Variants in TRPM3 observed in about 807,000 individuals in gnomAD.
TRPM3 encodes the protein transient receptor potential cation channel subfamily M member 3.
A neutral mutation model predicts 181.2 loss-of-function variants in TRPM3; 77 were observed. That is an observed-to-expected ratio of 0.42 (90% CI 0.35 to 0.51). TRPM3 has a LOEUF of 0.51. Among genes scored for constraint, TRPM3 ranks in the 20% least tolerant of loss-of-function variants. The pLI is 0.01. For synonymous variants in TRPM3, 745 were observed against 796.4 expected, an observed-to-expected ratio of 0.94 and a Z score of 1.09; for missense variants, 1,759 against 2,196.7, an observed-to-expected ratio of 0.80 and a Z score of 3.98.
rs533296676 is a variant in TRPM3 at position 70,685,619 on chromosome 9, GC to G, written c.1273-4042del. ...TGGGGGTCTCACTATGTTGCCCAGA[GC>G]GATCTCAAACTCTTGGACTTAAGCC... On this transcript the variant is annotated intron_variant, in intron 8 of 25. Transcript: ENST00000677713. Among the ~76,000 whole-genome samples the G allele has an allele frequency of 8.5e-5, 13 of 152,230 alleles. No individual in the cohort carries two copies. The South Asian group carries it at 2.7e-3, about 32-fold the overall frequency.
chr9:71,269,831 G>C (rs939928787), intron 1 of TRPM3, among the ~76,000 whole-genome samples: 1 of 152,070 alleles, frequency 6.6e-6, no homozygotes, highest in South Asian at 2.1e-4. Flanking sequence ...CAGAATAGGA[G>C]GTCAGAACTA....
intron 1 of TRPM3, among the ~76,000 whole-genome samples, chr9:71,018,349 A>T (rs1385284405): frequency 6.6e-6 from 1 of 151,816 alleles, no homozygotes; most frequent in Non-Finnish European, 1.5e-5. Context: ...TAATGAAATA[A>T]ACAAATAGAC....
At chr9:71,411,101 T>C (rs2093540195) in intron 1 of TRPM3, among the ~76,000 whole-genome samples, 1 of 152,044 alleles carries the variant, frequency 6.6e-6, no homozygotes. Flanking sequence ...TGGGACGTAT[T>C]TCAAAATAAT....
At chr9:71,446,824 C>T (rs1466508940) in exon 1 of TRPM3, 1 of 1,546,498 alleles carries the variant, frequency 6.5e-7, no homozygotes, top group Non-Finnish European at 8.7e-7. Context: ...CATCCCTCCA[C>T]TTCTTCCCCA....
At chr9:70,613,291 T>C (rs536444272) in intron 18 of TRPM3, among the ~76,000 whole-genome samples, 1 of 152,326 alleles carries the variant, frequency 6.6e-6, no homozygotes, top group Non-Finnish European at 1.5e-5. Flanking sequence ...CACAGCATGA[T>C]TTGAGAATCT....
At chr9:70,698,277 C>T (rs2071261407) in intron 8 of TRPM3, among the ~76,000 whole-genome samples, 1 of 151,456 alleles carries the variant, frequency 6.6e-6, no homozygotes, top group South Asian at 2.1e-4. Flanking sequence ...CTCCATGTAA[C>T]AGCAGAGTTT....
chr9:70,566,801 G>T (rs541143051), intron 22 of TRPM3, among the ~76,000 whole-genome samples: 2 of 152,170 alleles, frequency 1.3e-5, no homozygotes, highest in African/African-American at 4.8e-5. Flanking sequence ...TCCACCTACT[G>T]TAAGAAATGG....
At chr9:70,598,749 T>C in intron 20 of TRPM3, 79 bp from the exon 21 acceptor site, 1 of 1,525,310 alleles carries the variant, frequency 6.6e-7, no homozygotes, top group Non-Finnish European at 8.9e-7. Flanking sequence ...GCTTGGTCTG[T>C]TGGCTGATGT....
At chr9:70,853,697 C>A (rs2095307185) in intron 3 of TRPM3, among the ~76,000 whole-genome samples, 3 of 152,280 alleles carry the variant, frequency 2.0e-5, no homozygotes, top group South Asian at 4.1e-4. Context: ...TAGAACACAC[C>A]TAATTATCTA....
chr9:71,359,269 A>T (rs1445214924), intron 1 of TRPM3, among the ~76,000 whole-genome samples: 1 of 152,228 alleles, frequency 6.6e-6, no homozygotes, highest in Non-Finnish European at 1.5e-5. Flanking sequence ...TGAAAGGGGA[A>T]ATCTCACAAA....
chr9:71,432,565 T>C (rs2093974104), intron 1 of TRPM3, among the ~76,000 whole-genome samples: 2 of 152,190 alleles, frequency 1.3e-5, no homozygotes, highest in South Asian at 2.1e-4. Context: ...ATTTGAATCA[T>C]TATTGTTTAT....
chr9:71,263,486 G>A (rs2083195025), intron 1 of TRPM3, among the ~76,000 whole-genome samples: 1 of 152,184 alleles, frequency 6.6e-6, no homozygotes, highest in South Asian at 2.1e-4. Context: ...AACCTTTTGA[G>A]CAGTAGCTCT....
At chr9:71,026,156 G>T (rs989042964) in intron 1 of TRPM3, among the ~76,000 whole-genome samples, 1 of 152,174 alleles carries the variant, frequency 6.6e-6, no homozygotes, top group East Asian at 1.9e-4. Flanking sequence ...ATGGCCAGGA[G>T]TGCCCATTCC....
chr9:70,842,043 C>T (rs2094703022), intron 5 of TRPM3, among the ~76,000 whole-genome samples: 1 of 152,070 alleles, frequency 6.6e-6, no homozygotes, highest in Admixed American at 6.6e-5. Context: ...ATACATAAGA[C>T]ATCTGCATCT....
At chr9:70,537,436 C>T (rs762029768) in intron 25 of TRPM3, 31 bp from the exon 26 acceptor site, 35 of 1,412,990 alleles carry the variant, frequency 2.5e-5, no homozygotes, top group East Asian at 4.8e-5. Context: ...GAGAGTCACT[C>T]GGCCTGGTTC....
chr9:71,007,078 ACTAAGTCAGGAACAG>A (rs2097686796), intron 1 of TRPM3, among the ~76,000 whole-genome samples: 1 of 131,650 alleles, frequency 7.6e-6, no homozygotes, highest in African/African-American at 2.8e-5. Context: ...GAAAAAAAAG[ACTAAGTCAGGAACAG>A]AAAAAAAAAA....
intron 5 of TRPM3, among the ~76,000 whole-genome samples, chr9:70,837,917 A>C (rs1266975490): frequency 6.6e-6 from 1 of 152,216 alleles, no homozygotes; most frequent in Non-Finnish European, 1.5e-5. Context: ...TGGGCATTAG[A>C]GACAGTTGGA....
intron 1 of TRPM3, among the ~76,000 whole-genome samples, chr9:71,318,354 T>C (rs1361690501): frequency 6.6e-6 from 1 of 152,192 alleles, no homozygotes; most frequent in South Asian, 2.1e-4. Context: ...TTTGACTTAC[T>C]ACAAATTTGT....
chr9:70,811,271 T>C, intron 6 of TRPM3: 1 of 1,567,670 alleles, frequency 6.4e-7, no homozygotes, highest in South Asian at 1.2e-5. Flanking sequence ...TCTTTGAAAT[T>C]TCTACACCCT....
Sources: allele counts gnomAD v4.1 joint callset (sites outside exome capture counted in the v4.1 genomes callset), GRCh38; gene constraint gnomAD v4.1.1; transcripts MANE v1.5; gene names NCBI Gene and HGNC (gene_info 2026-07-23, HGNC 2026-07-21).